The following TAF12 variants were observed in gnomAD, a reference collection of about 807,000 sequenced individuals.
The protein encoded by TAF12 is TATA-box binding protein associated factor 12.
In TAF12, 3 loss-of-function variants were observed where a neutral mutation model predicts 20.8. That is an observed-to-expected ratio of 0.14 (90% confidence interval 0.07 to 0.37). The LOEUF (loss-of-function observed/expected upper bound fraction) is 0.37, where lower values mean the gene tolerates loss of function less well. Among genes scored for constraint, TAF12 ranks in the 10% least tolerant of loss-of-function variants. TAF12 has a pLI of 1.00. For missense variants in TAF12, 131 were observed against 197.9 expected (o/e 0.66, Z 2.03); for synonymous variants, 69 against 70.2 (o/e 0.98, Z 0.09).
chr1:28,615,511 T>A (rs1667003827), intron 3 of TAF12, among the ~76,000 whole-genome samples: 1 of 151,436 alleles, frequency 6.6e-6, no homozygotes, highest in Admixed American at 6.6e-5. Context: ...AAACCCCGTC[T>A]CTACTAAAAT....
intron 4 of TAF12, among the ~76,000 whole-genome samples, chr1:28,610,043 C>T (rs1467447092): frequency 4.0e-5 from 6 of 151,640 alleles, no homozygotes; most frequent in Admixed American, 6.6e-5. Context: ...GTGGCAAGAT[C>T]TTGGCTCACT....
At chr1:28,625,621 A>G (rs764518360) in intron 1 of TAF12, among the ~76,000 whole-genome samples, 1 of 148,252 alleles carries the variant, frequency 6.7e-6, no homozygotes. Context: ...GGCTCACTGC[A>G]AGCTCCGCCT....
chr1:28,639,741 G>A (rs1285785225), intron 1 of TAF12, among the ~76,000 whole-genome samples: 1 of 151,960 alleles, frequency 6.6e-6, no homozygotes, highest in Non-Finnish European at 1.5e-5. Flanking sequence ...GCTAACCCTG[G>A]GGAAAAAATA....
intron 1 of TAF12, among the ~76,000 whole-genome samples, chr1:28,637,142 T>G (rs1355748067): frequency 6.6e-6 from 1 of 152,162 alleles, no homozygotes; most frequent in Admixed American, 6.6e-5. Context: ...AGGAGGCTGA[T>G]GAGAGTTACT....
intron 1 of TAF12, among the ~76,000 whole-genome samples, chr1:28,632,113 A>G (rs1667649668): frequency 6.6e-6 from 1 of 152,196 alleles, no homozygotes; most frequent in African/African-American, 2.4e-5. Flanking sequence ...TAAACAAATT[A>G]TGGTATATCC....
chr1:28,636,683 C>T (rs886511235), intron 1 of TAF12, among the ~76,000 whole-genome samples: 3 of 151,614 alleles, frequency 2.0e-5, no homozygotes, highest in African/African-American at 7.3e-5. Flanking sequence ...CAGCTGTGGT[C>T]CCAGCTACTT....
At chr1:28,627,319 C>T (rs531770908) in intron 1 of TAF12, among the ~76,000 whole-genome samples, 4 of 143,876 alleles carry the variant, frequency 2.8e-5, no homozygotes, top group Admixed American at 1.5e-4. Flanking sequence ...ACCTGGGAGA[C>T]AGAGGTTGCA....
At chr1:28,646,696 A>AT (rs758006645), upstream of TAF12, among the ~76,000 whole-genome samples, 2,875 of 124,914 alleles carry the variant, frequency 0.023, 52 homozygotes, top group South Asian at 0.031. Context: ...CACTCGGCCA[A>AT]TTTTTTTTTT....
chr1:28,624,862 A>C (rs1667332271), intron 1 of TAF12, among the ~76,000 whole-genome samples: 1 of 152,222 alleles, frequency 6.6e-6, no homozygotes, highest in South Asian at 2.1e-4. Context: ...AAGATTAACT[A>C]GGCTGACTTG....
chr1:28,646,185 A>T (rs1668180935), upstream of TAF12: 1 of 152,016 alleles, frequency 6.6e-6, no homozygotes, highest in Non-Finnish European at 1.5e-5. Context: ...GACAGGCAGG[A>T]GGATCTGCTT....
intron 3 of TAF12, among the ~76,000 whole-genome samples, chr1:28,614,264 T>A (rs1320928153): frequency 1.3e-5 from 2 of 151,074 alleles, no homozygotes; most frequent in South Asian, 2.1e-4. Context: ...ATTAAAAAAA[T>A]AATAACAAAT....
At chr1:28,625,768 C>T (rs1172989088) in intron 1 of TAF12, among the ~76,000 whole-genome samples, 1 of 151,972 alleles carries the variant, frequency 6.6e-6, no homozygotes. Flanking sequence ...GTCTCGATCT[C>T]CTGACCTCAT....
chr1:28,625,439 T>C (rs1364365333), intron 1 of TAF12, among the ~76,000 whole-genome samples: 3 of 152,058 alleles, frequency 2.0e-5, no homozygotes, highest in Admixed American at 6.6e-5. Context: ...GGTGTAATCA[T>C]GGTTCACTGC....
intron 1 of TAF12, among the ~76,000 whole-genome samples, chr1:28,634,415 C>CAAAAA (rs1159192480): frequency 2.4e-5 from 1 of 41,536 alleles, no homozygotes; most frequent in Admixed American, 2.6e-4. Flanking sequence ...GACTCCATCT[C>CAAAAA]AAAAAAAAAA....
intron 4 of TAF12, among the ~76,000 whole-genome samples, chr1:28,607,104 C>T (rs376147628): frequency 6.6e-6 from 1 of 152,258 alleles, no homozygotes; most frequent in Non-Finnish European, 1.5e-5. Flanking sequence ...AGGGGCATGG[C>T]CCCCTAAACT....
chr1:28,616,781 G>A (rs922975586), intron 3 of TAF12, among the ~76,000 whole-genome samples: 1 of 151,972 alleles, frequency 6.6e-6, no homozygotes, highest in Non-Finnish European at 1.5e-5. Flanking sequence ...CACACATTGA[G>A]TAGTGTAAAA....
chr1:28,608,520 A>C (rs927893888), intron 4 of TAF12, among the ~76,000 whole-genome samples: 8 of 152,100 alleles, frequency 5.3e-5, no homozygotes, highest in African/African-American at 1.9e-4. Flanking sequence ...TTGGGAGGCC[A>C]AGGTAGGCAG....
intron 1 of TAF12, among the ~76,000 whole-genome samples, chr1:28,622,717 A>G (rs1056808415): frequency 1.3e-5 from 2 of 151,916 alleles, no homozygotes; most frequent in Admixed American, 1.3e-4. Context: ...GGGAAGCCCT[A>G]TCTCTGTAAA....
At chr1:28,613,400 G>A (rs375613856) in intron 3 of TAF12, 39 bp from the exon 4 acceptor site, 13 of 1,540,632 alleles carry the variant, frequency 8.4e-6, no homozygotes, top group African/African-American at 8.1e-5. Context: ...CACGACATTG[G>A]CAGGGTAGGC....
Sources: gnomAD v4.1 joint callset for allele counts (sites outside exome capture counted in the v4.1 genomes callset) on GRCh38, gnomAD v4.1.1 for gene constraint, MANE v1.5 for transcripts, NCBI Gene and HGNC (gene_info 2026-07-23, HGNC 2026-07-21) for gene names.